The following IL1RAPL2 variants were observed in gnomAD, a reference collection of about 807,000 sequenced individuals.
IL1RAPL2 encodes interleukin 1 receptor accessory protein like 2, also known as X-linked interleukin-1 receptor accessory protein-like 2.
In IL1RAPL2, 3 loss-of-function variants were observed where a neutral mutation model predicts 44.1. The ratio of observed to expected loss-of-function variants is 0.07; its 90% CI spans 0.03 to 0.18. The LOEUF (loss-of-function observed/expected upper bound fraction) is 0.18. Among genes scored for constraint, IL1RAPL2 ranks in the 10% least tolerant of loss-of-function variants. The probability of loss-of-function intolerance (pLI) is 1.00; values close to 1 mark genes in which losing one functional copy is unlikely to be tolerated. For synonymous variants in IL1RAPL2, 181 were observed against 178.8 expected, an observed-to-expected ratio of 1.01 and a Z score of -0.10; for missense variants, 391 against 496.4, an observed-to-expected ratio of 0.79 and a Z score of 2.02.
chrX:104,877,858 G>T (rs1448414714), intron 2 of IL1RAPL2, among the ~76,000 whole-genome samples: 1 of 111,608 alleles, frequency 9.0e-6, no homozygotes, highest in Non-Finnish European at 1.9e-5. Context: ...TCATAGAGAA[G>T]TAATGGACAT....
intron 2 of IL1RAPL2, among the ~76,000 whole-genome samples, chrX:104,910,100 G>C (rs1337965535): frequency 8.9e-6 from 1 of 112,229 alleles, no homozygotes; most frequent in East Asian, 2.8e-4. Flanking sequence ...TATTCGGTTG[G>C]GAGTGGCCTG....
chrX:104,836,233 G>C (rs905438818), intron 2 of IL1RAPL2, among the ~76,000 whole-genome samples: 2 of 110,821 alleles, frequency 1.8e-5, no homozygotes, highest in Non-Finnish European at 3.8e-5. Flanking sequence ...CATGGAGACA[G>C]AGAGTAGAAT....
At chrX:105,377,628 A>G (rs1729905840) in intron 5 of IL1RAPL2, among the ~76,000 whole-genome samples, 1 of 111,750 alleles carries the variant, frequency 8.9e-6, no homozygotes, top group South Asian at 3.7e-4. Flanking sequence ...TGGATATAAG[A>G]AAGTTATAAG....
At chrX:105,382,636 T>C (rs373041366) in intron 5 of IL1RAPL2, among the ~76,000 whole-genome samples, 57 of 105,266 alleles carry the variant, frequency 5.4e-4, no homozygotes, top group African/African-American at 1.8e-3. Flanking sequence ...ACCCAAAGGA[T>C]TATAAATCAT....
intron 2 of IL1RAPL2, among the ~76,000 whole-genome samples, chrX:104,760,735 G>A (rs1036700183): frequency 9.0e-6 from 1 of 111,200 alleles, no homozygotes; most frequent in Non-Finnish European, 1.9e-5. Context: ...GATGCGGGTC[G>A]TATCTTTGTT....
intron 10 of IL1RAPL2, among the ~76,000 whole-genome samples, chrX:105,764,072 T>TG (rs2038709557): frequency 1.8e-5 from 2 of 111,454 alleles, no homozygotes; most frequent in Non-Finnish European, 3.8e-5. Flanking sequence ...TCTGGATGGT[T>TG]GCCTCAACTC....
At chrX:105,355,096 G>A (rs1346896023) in intron 5 of IL1RAPL2, among the ~76,000 whole-genome samples, 2 of 111,383 alleles carry the variant, frequency 1.8e-5, no homozygotes, top group Non-Finnish European at 3.8e-5. Context: ...GTGTCTCCTT[G>A]TTCCACCATG....
intron 1 of IL1RAPL2, among the ~76,000 whole-genome samples, chrX:104,603,634 C>T (rs1928934087): frequency 1.8e-5 from 2 of 111,714 alleles, no homozygotes; most frequent in Non-Finnish European, 3.8e-5. Flanking sequence ...CTGAAAAACA[C>T]AGCAAGAGAA....
chrX:105,534,935 G>T (rs992502892), intron 6 of IL1RAPL2, among the ~76,000 whole-genome samples: 7 of 111,474 alleles, frequency 6.3e-5, no homozygotes, highest in African/African-American at 2.3e-4. Flanking sequence ...AGAAACATAG[G>T]AGAAAATATT....
At chrX:105,150,043 T>C (rs2033213114) in intron 2 of IL1RAPL2, among the ~76,000 whole-genome samples, 1 of 110,645 alleles carries the variant, frequency 9.0e-6, no homozygotes, top group Non-Finnish European at 1.9e-5. Context: ...TTCCCTTTAC[T>C]TCTTCACAGT....
At chrX:104,943,599 G>A (rs6621887) in intron 2 of IL1RAPL2, among the ~76,000 whole-genome samples, 33,297 of 109,881 alleles carry the variant, frequency 0.3, 4,391 homozygotes, top group South Asian at 0.55. Flanking sequence ...TTCATCCCCT[G>A]ATATGCATAT....
intron 1 of IL1RAPL2, among the ~76,000 whole-genome samples, chrX:104,582,813 C>CCTTTCTTT (rs764524733): frequency 1.1e-4 from 5 of 47,376 alleles, no homozygotes; most frequent in Non-Finnish European, 1.8e-4. Context: ...CTCTTTCTCT[C>CCTTTCTTT]CTTTCTTTCT....
chrX:104,614,300 C>A (rs374931853), intron 1 of IL1RAPL2, among the ~76,000 whole-genome samples: 110 of 111,632 alleles, frequency 9.9e-4, no homozygotes, highest in African/African-American at 3.4e-3. Context: ...TGAGTTCTTT[C>A]TAACTTTTTG....
At chrX:105,564,525 T>G (rs2147808130) in intron 6 of IL1RAPL2, among the ~76,000 whole-genome samples, 1 of 112,393 alleles carries the variant, frequency 8.9e-6, no homozygotes, top group Admixed American at 9.5e-5. Context: ...CAAGGATTTT[T>G]CCCCCTCAGA....
At chrX:104,909,707 G>C (rs1924167512) in intron 2 of IL1RAPL2, among the ~76,000 whole-genome samples, 1 of 112,207 alleles carries the variant, frequency 8.9e-6, no homozygotes, top group South Asian at 3.7e-4. Flanking sequence ...CCCCTTCTCA[G>C]ATCTCCAGCT....
chrX:105,580,956 AT>A (rs895993406), intron 6 of IL1RAPL2, among the ~76,000 whole-genome samples: 6 of 111,369 alleles, frequency 5.4e-5, no homozygotes, highest in African/African-American at 2.0e-4. Context: ...ATTCTGTAAT[AT>A]TTTTTTTCTT....
intron 2 of IL1RAPL2, among the ~76,000 whole-genome samples, chrX:104,895,161 G>C (rs1923601434): frequency 2.2e-4 from 1 of 4,648 alleles, no homozygotes; most frequent in Admixed American, 3.6e-3. Flanking sequence ...CATCTCAGAG[G>C]GGTACCTGGC....
At chrX:104,915,172 A>C in intron 2 of IL1RAPL2, among the ~76,000 whole-genome samples, 1 of 111,495 alleles carries the variant, frequency 9.0e-6, no homozygotes, top group South Asian at 3.8e-4. Context: ...ACTAGTTTAC[A>C]GTCCCACCAA....
intron 2 of IL1RAPL2, among the ~76,000 whole-genome samples, chrX:105,176,220 C>T (rs746783067): frequency 1.8e-5 from 2 of 111,006 alleles, no homozygotes; most frequent in African/African-American, 6.6e-5. Flanking sequence ...ATTTAATCCT[C>T]TAACATCAAC....
Sources: allele counts gnomAD v4.1 joint callset (sites outside exome capture counted in the v4.1 genomes callset), GRCh38; gene constraint gnomAD v4.1.1; transcripts MANE v1.5; gene names NCBI Gene and HGNC (gene_info 2026-07-23, HGNC 2026-07-21).